The following IRAG1 variants were observed in gnomAD, a reference collection of about 807,000 sequenced individuals.
The protein encoded by IRAG1 is inositol 1,4,5-triphosphate receptor associated 1.
IRAG1 carries 62 observed loss-of-function variants against 106.2 expected under a neutral mutation model. The observed-to-expected ratio is 0.58, with a 90% CI of 0.48 to 0.72. The LOEUF is 0.72. Ranked by LOEUF, IRAG1 falls within the 30% of genes least tolerant of loss-of-function variation. The probability of loss-of-function intolerance (pLI) is 0.00; values close to 1 mark genes in which losing one functional copy is unlikely to be tolerated. For synonymous variants in IRAG1, 462 were observed against 443.9 expected, an observed-to-expected ratio of 1.04 and a Z score of -0.51; for missense variants, 1,064 against 1,140.7, an observed-to-expected ratio of 0.93 and a Z score of 0.97.
At chr11:10,596,748 C>G (rs181096385) in intron 15 of IRAG1, among the ~76,000 whole-genome samples, 10 of 152,286 alleles carry the variant, frequency 6.6e-5, no homozygotes, top group Non-Finnish European at 1.0e-4. Context: ...TTCAAGTTAA[C>G]TAATTTTTCT....
chr11:10,611,484 A>G (rs1400358603), intron 10 of IRAG1: 1 of 152,216 alleles, frequency 6.6e-6, no homozygotes, highest in East Asian at 1.9e-4. Context: ...TTTTGCCTAG[A>G]AAAGTTTCCC....
chr11:10,609,598 T>C, intron 11 of IRAG1, 130 bp downstream of exon 11: 1 of 1,087,664 alleles, frequency 9.2e-7, no homozygotes, highest in Non-Finnish European at 1.3e-6. Context: ...GCATTATCCC[T>C]ATCTAGACAA....
chr11:10,643,756 A>C (rs1857725030), intron 2 of IRAG1, among the ~76,000 whole-genome samples: 1 of 151,802 alleles, frequency 6.6e-6, no homozygotes, highest in Non-Finnish European at 1.5e-5. Flanking sequence ...CTCCCTCCCT[A>C]AGCTCCGACC....
intron 3 of IRAG1, among the ~76,000 whole-genome samples, chr11:10,633,539 C>G (rs1246703059): frequency 1.3e-5 from 2 of 152,184 alleles, no homozygotes; most frequent in African/African-American, 4.8e-5. Flanking sequence ...GGGCAGGATT[C>G]TACATTCAAA....
At chr11:10,641,628 G>A (rs1009821992) in intron 2 of IRAG1, among the ~76,000 whole-genome samples, 5 of 152,088 alleles carry the variant, frequency 3.3e-5, no homozygotes, top group Non-Finnish European at 2.9e-5. Flanking sequence ...GACCCCCCTC[G>A]TGTTTTCTCA....
intron 10 of IRAG1, among the ~76,000 whole-genome samples, chr11:10,619,172 A>C (rs949768137): frequency 7.2e-5 from 11 of 152,246 alleles, no homozygotes; most frequent in African/African-American, 2.2e-4. Flanking sequence ...TCAAAACAGC[A>C]TACAATATAG....
chr11:10,610,009 A>G (rs998554454), intron 10 of IRAG1, among the ~76,000 whole-genome samples, 158 bp from the exon 11 acceptor site: 3 of 152,252 alleles, frequency 2.0e-5, no homozygotes, highest in African/African-American at 7.2e-5. Context: ...GCTAGAACTT[A>G]GTCATCCCAT....
At chr11:10,609,892 T>A in intron 10 of IRAG1, 41 bp from the exon 11 acceptor site, 1 of 1,608,690 alleles carries the variant, frequency 6.2e-7, no homozygotes, top group Non-Finnish European at 8.5e-7. Context: ...CTCTTTGAAA[T>A]CACAGTAGTA....
chr11:10,584,632 A>G lies in IRAG1; in HGVS notation c.2241-2646T>C, dbSNP rs563758194. Among the ~76,000 whole-genome samples the G allele has an allele frequency of 1.6e-4, 23 of 145,964 alleles. No homozygotes were observed. The East Asian group carries it at 4.2e-3, about 27-fold the overall frequency. ...GACTTTTGATTTATATACAACTGTC[A>G]GCCTTAGAGGTTCCTTAATGTTAAG... On this transcript the variant is annotated intron_variant, in intron 18 of 20. Coordinates refer to ENST00000423302, the MANE Select transcript of IRAG1 (RefSeq NM_130385.4).
intron 11 of IRAG1, among the ~76,000 whole-genome samples, chr11:10,608,518 A>T (rs1270920302): frequency 1.3e-5 from 2 of 152,138 alleles, no homozygotes; most frequent in African/African-American, 4.8e-5. Flanking sequence ...GAGAAGCCAC[A>T]TGGTATGTCT....
At chr11:10,627,599 C>G in intron 8 of IRAG1, 117 bp downstream of exon 8, 1 of 1,060,272 alleles carries the variant, frequency 9.4e-7, no homozygotes, top group Non-Finnish European at 1.4e-6. Context: ...CCCTGACCCT[C>G]CACTCATACG....
chr11:10,643,176 C>CAAAAAAAAAA (rs10679269), intron 2 of IRAG1, among the ~76,000 whole-genome samples: 8 of 60,226 alleles, frequency 1.3e-4, no homozygotes, highest in Non-Finnish European at 1.7e-4. Context: ...GACTCCGTCT[C>CAAAAAAAAAA]AAAAAAAAAA....
intron 18 of IRAG1, chr11:10,586,099 CCT>C: frequency 6.6e-6 from 1 of 152,326 alleles, no homozygotes; most frequent in East Asian, 1.9e-4. Flanking sequence ...CCATGCTGCC[CCT>C]CTTTTCAAGG....
At chr11:10,688,884 T>C (rs1036911128) in intron 1 of IRAG1, among the ~76,000 whole-genome samples, 1 of 152,184 alleles carries the variant, frequency 6.6e-6, no homozygotes, top group Non-Finnish European at 1.5e-5. Flanking sequence ...ACTAACTTTG[T>C]GTTGTTAGGC....
chr11:10,588,714 A>C (rs1361664819), intron 18 of IRAG1, among the ~76,000 whole-genome samples: 1 of 151,872 alleles, frequency 6.6e-6, no homozygotes, highest in African/African-American at 2.4e-5. Context: ...CTTACACCAA[A>C]ATCAGGTTAG....
intron 10 of IRAG1, among the ~76,000 whole-genome samples, chr11:10,611,219 ATTC>A (rs1175013827): frequency 1.3e-5 from 2 of 152,222 alleles, no homozygotes; most frequent in South Asian, 2.1e-4. Flanking sequence ...TCAGTCAGCA[ATTC>A]TTCTTTGGAT....
chr11:10,614,006 G>A (rs76618612), intron 10 of IRAG1, among the ~76,000 whole-genome samples: 1,654 of 152,042 alleles, frequency 0.011, 20 homozygotes, highest in African/African-American at 0.038. Flanking sequence ...ATCACCCCAG[G>A]GCCAGTACCT....
At position 10,576,165 on chromosome 11, in the gene IRAG1, CTG is replaced by C. The variant is rs1330032978; in HGVS notation, c.*165_*166del. 1.4e-5 allele frequency: 12 copies of C among 833,350 alleles called. No homozygotes were observed. Among genetic ancestry groups the C allele is most frequent in the Non-Finnish European group, 1.5e-5 (8 of 548,482 alleles). The allele number at this position is 833,350 out of a possible 1,614,324, so 51.6% of individuals were successfully genotyped here. A position where few individuals can be genotyped will look rare whatever the true frequency, so the allele number is the denominator to read the frequency against. ...TTGATCCTCCAAGAACATCAAGTCACTGTGTATGAATAGCTCCCACAGAAGTG... is the reference window on the plus strand; with the variant it reads ...TTGATCCTCCAAGAACATCAAGTCACTGTATGAATAGCTCCCACAGAAGTG... On this transcript the variant is annotated 3_prime_UTR_variant, in exon 21 of 21. Transcript: ENST00000423302.
intron 1 of IRAG1, among the ~76,000 whole-genome samples, chr11:10,680,532 G>GAAGGAAGA (rs1554935799): frequency 1.1e-5 from 1 of 89,454 alleles, no homozygotes; most frequent in Non-Finnish European, 2.2e-5. Flanking sequence ...AGAAAGGAAG[G>GAAGGAAGA]AAGGAAGGGG....
Sources: allele counts gnomAD v4.1 joint callset (sites outside exome capture counted in the v4.1 genomes callset), GRCh38; gene constraint gnomAD v4.1.1; transcripts MANE v1.5; gene names NCBI Gene and HGNC (gene_info 2026-07-23, HGNC 2026-07-21).